Variants in OOEP observed in about 807,000 individuals in gnomAD.
OOEP encodes the protein oocyte expressed protein, also known as oocyte-expressed protein homolog.
A neutral mutation model predicts 13.7 loss-of-function variants in OOEP; 16 were observed. That is an observed-to-expected ratio of 1.16 (90% CI 0.79 to 1.77). The LOEUF is 1.77. Among genes scored for constraint, OOEP ranks in the 40% most tolerant of loss-of-function variants. OOEP has a pLI of 0.00. For missense variants in OOEP, 195 were observed against 193.1 expected, an observed-to-expected ratio of 1.01 and a Z score of -0.06; for synonymous variants, 89 against 77.1, an observed-to-expected ratio of 1.15 and a Z score of -0.81.
At chr6:73,385,718 G>T (rs1769264166) in intron 2 of OOEP, among the ~76,000 whole-genome samples, 1 of 151,864 alleles carries the variant, frequency 6.6e-6, no homozygotes, top group South Asian at 2.1e-4. Context: ...CTCCTGAGTA[G>T]CTGGGATTAT....
rs775748958 is a variant in OOEP at position 73,369,815 on chromosome 6, C to A, written c.-23G>T. On this transcript the variant is annotated 5_prime_UTR_variant, in exon 1 of 3. Coordinates refer to ENST00000370359, the MANE Select transcript of OOEP (RefSeq NM_001080507.3). ...CATACTGGGACCAGCAGCCGCGGAGCGCGCTCGAGGCGGCTTTCGCAAGAC... is the reference window on the plus strand; with the variant it reads ...CATACTGGGACCAGCAGCCGCGGAGAGCGCTCGAGGCGGCTTTCGCAAGAC... 1 of 1,602,614 alleles carries A rather than the reference C, an allele frequency of 6.2e-7. No individual in the cohort carries two copies. Among genetic ancestry groups the A allele is most frequent in the South Asian group, 1.1e-5 (1 of 90,716 alleles).
intron 2 of OOEP, among the ~76,000 whole-genome samples, chr6:73,388,888 TG>T (rs2150783349): frequency 6.6e-6 from 1 of 152,098 alleles, no homozygotes; most frequent in East Asian, 1.9e-4. Flanking sequence ...TGCCTCCTTG[TG>T]GGAGAGTGTG....
intron 2 of OOEP, among the ~76,000 whole-genome samples, chr6:73,375,153 C>A (rs1449628220): frequency 6.6e-6 from 1 of 152,168 alleles, no homozygotes; most frequent in East Asian, 1.9e-4. Context: ...AACAGACTTT[C>A]TTTGCTGACA....
At chr6:73,374,156 C>G (rs1189024654), upstream of OOEP, among the ~76,000 whole-genome samples, 1 of 152,056 alleles carries the variant, frequency 6.6e-6, no homozygotes, top group African/African-American at 2.4e-5. Context: ...CCACTGCACT[C>G]TAGCCTGGGT....
rs930806 is a variant in OOEP at position 73,394,845 on chromosome 6, T to G, written c.-245A>C. On this transcript the variant is annotated 5_prime_UTR_variant, in exon 1 of 4. Transcript: ENST00000370363. ...TCCCTGGCACGCTACTCTTACGACG[T>G]CACGGTCAGGTGGTGCAGAGCTGGA... is the stretch of plus-strand genomic sequence containing the variant. The G allele has an allele frequency of 0.018, 28,839 of 1,582,528 alleles. 2,321 individuals are homozygous for G. In the Admixed American group the frequency reaches 0.2, roughly 11 times the overall value.
chr6:73,376,163 T>C (rs1238925485), intron 2 of OOEP, among the ~76,000 whole-genome samples: 1 of 152,100 alleles, frequency 6.6e-6, no homozygotes, highest in Non-Finnish European at 1.5e-5. Flanking sequence ...TATCAGAAAA[T>C]GTACTATTTA....
intron 2 of OOEP, among the ~76,000 whole-genome samples, chr6:73,379,638 C>CAAAAAAAA (rs370843381): frequency 5.6e-5 from 1 of 17,738 alleles, no homozygotes; most frequent in South Asian, 3.4e-3. Context: ...GACTCTATCT[C>CAAAAAAAA]AAAAAAAAAA....
upstream of OOEP, chr6:73,395,154 C>T (rs1484819353): frequency 6.2e-7 from 1 of 1,608,902 alleles, no homozygotes; most frequent in South Asian, 1.1e-5. Context: ...GCGCGGTAAT[C>T]GGTGAGAATG....
At chr6:73,369,145 G>T in intron 2 of OOEP, 61 bp downstream of exon 2, 6 of 1,505,232 alleles carry the variant, frequency 4.0e-6, no homozygotes, top group Non-Finnish European at 5.4e-6. Context: ...GAAGGAAACC[G>T]AGCAAGGCCA....
exon 1 of OOEP, chr6:73,394,916 A>G: frequency 6.2e-7 from 1 of 1,614,192 alleles, no homozygotes; most frequent in Non-Finnish European, 8.5e-7. Flanking sequence ...ATGTCCCACC[A>G]CGGAGGAGCT....
Position 73,389,060 on chromosome 6 carries a change from TGGCGCGTCGCTATCCAGGGGAGC to T in OOEP, c.25+5263_25+5285del, listed in dbSNP as rs1315760515. Among the ~76,000 whole-genome samples, 590 of 151,046 alleles carry T rather than the reference TGGCGCGTCGCTATCCAGGGGAGC, an allele frequency of 3.9e-3. 4 individuals carry two copies. The highest frequency in any genetic ancestry group is 0.014 in the African/African-American group (565 of 41,134). On this transcript the variant is annotated intron_variant, in intron 2 of 3. Coordinates refer to the OOEP transcript ENST00000370363. ...CGAGCTGGAACCTGGGGCGGTGCTC[TGGCGCGTCGCTATCCAGGGGAGC>T]TACGTCGAGACGGCAGGCCACTTAG...
At chr6:73,384,469 A>G (rs1268886989) in intron 2 of OOEP, among the ~76,000 whole-genome samples, 3 of 152,222 alleles carry the variant, frequency 2.0e-5, no homozygotes, top group Admixed American at 2.0e-4. Flanking sequence ...ATAACCACAG[A>G]CATCACAAGA....
intron 2 of OOEP, among the ~76,000 whole-genome samples, chr6:73,383,478 A>G (rs1467563407): frequency 6.6e-6 from 1 of 152,176 alleles, no homozygotes; most frequent in Non-Finnish European, 1.5e-5. Flanking sequence ...TCTACTAAAA[A>G]TACAAAATTA....
upstream of OOEP, among the ~76,000 whole-genome samples, chr6:73,372,774 C>T (rs541961364): frequency 5.9e-5 from 9 of 152,236 alleles, no homozygotes; most frequent in Admixed American, 4.6e-4. Flanking sequence ...GGGTTAGCTT[C>T]TTGGGGTGCC....
At chr6:73,385,203 C>T (rs936972065) in intron 2 of OOEP, among the ~76,000 whole-genome samples, 4 of 151,554 alleles carry the variant, frequency 2.6e-5, no homozygotes, top group South Asian at 2.1e-4. Context: ...AAAAATTAGC[C>T]GGGTGTGGTG....
intron 2 of OOEP, among the ~76,000 whole-genome samples, chr6:73,392,215 C>A (rs557449856): frequency 6.6e-6 from 1 of 152,310 alleles, no homozygotes; most frequent in East Asian, 1.9e-4. Context: ...TTGAATCCAA[C>A]AAAATTCCTT....
chr6:73,376,232 T>C (rs1477023287), intron 2 of OOEP, among the ~76,000 whole-genome samples: 2 of 152,140 alleles, frequency 1.3e-5, no homozygotes, highest in Non-Finnish European at 2.9e-5. Context: ...TAAGTCACTT[T>C]ATTTATTTTT....
intron 2 of OOEP, among the ~76,000 whole-genome samples, chr6:73,382,557 C>T (rs1017174329): frequency 6.6e-6 from 1 of 151,876 alleles, no homozygotes; most frequent in Admixed American, 6.6e-5. Flanking sequence ...GAGCGGGTCT[C>T]ACCATGTTGT....
chr6:73,385,597 T>C (rs76439022), intron 2 of OOEP, among the ~76,000 whole-genome samples: 25 of 147,436 alleles, frequency 1.7e-4, no homozygotes, highest in East Asian at 7.8e-4. Flanking sequence ...AAAGCTCTCT[T>C]TTTTTTTTTT....
Sources: allele counts gnomAD v4.1 joint callset (sites outside exome capture counted in the v4.1 genomes callset), GRCh38; gene constraint gnomAD v4.1.1; transcripts MANE v1.5; gene names NCBI Gene and HGNC (gene_info 2026-07-23, HGNC 2026-07-21).